The following NME7 variants were observed in gnomAD, a reference collection of about 807,000 sequenced individuals.
NME7 encodes NME/NM23 family member 7.
In NME7, 41 loss-of-function variants were observed where a neutral mutation model predicts 49.1. That is an observed-to-expected ratio of 0.83 (90% CI 0.65 to 1.08). The LOEUF (loss-of-function observed/expected upper bound fraction) is 1.08. Ranked by LOEUF, NME7 falls within the 50% of genes least tolerant of loss-of-function variation. The pLI is 0.00. For missense variants in NME7, 423 were observed against 463.4 expected, an observed-to-expected ratio of 0.91 and a Z score of 0.80; for synonymous variants, 139 against 150.6, an observed-to-expected ratio of 0.92 and a Z score of 0.56.
intron 10 of NME7, among the ~76,000 whole-genome samples, chr1:169,206,950 G>A (rs947362086): frequency 2.0e-5 from 3 of 152,090 alleles, no homozygotes; most frequent in South Asian, 2.1e-4. Context: ...AAATAAACAC[G>A]ATTCTTTTTT....
intron 1 of NME7, among the ~76,000 whole-genome samples, chr1:169,349,283 G>A (rs1158745015): frequency 2.6e-5 from 4 of 152,130 alleles, no homozygotes; most frequent in Non-Finnish European, 5.9e-5. Context: ...TTTAATGAAA[G>A]GATAGCTTGT....
intron 10 of NME7, among the ~76,000 whole-genome samples, chr1:169,226,559 C>G (rs1316515179): frequency 6.6e-6 from 1 of 152,128 alleles, no homozygotes; most frequent in Non-Finnish European, 1.5e-5. Flanking sequence ...CCATCAAAGG[C>G]ATACAGTCCT....
At chr1:169,179,699 G>A (rs565878076) in intron 10 of NME7, among the ~76,000 whole-genome samples, 26 of 152,166 alleles carry the variant, frequency 1.7e-4, no homozygotes, top group South Asian at 4.2e-4. Context: ...GCAAACTAAC[G>A]CAGGAATAGA....
At chr1:169,328,425 T>C (rs965001873) in intron 1 of NME7, among the ~76,000 whole-genome samples, 2 of 152,166 alleles carry the variant, frequency 1.3e-5, no homozygotes, top group African/African-American at 4.8e-5. Context: ...ACTTTAGAAC[T>C]GCATTGTACA....
Position 169,276,423 on chromosome 1 carries a change from T to C in NME7, c.754+10880A>G, listed in dbSNP as rs1489089004. On this transcript the variant is annotated intron_variant, in intron 7 of 11. Transcript: ENST00000367811. ...TTCCTCGTTTAGTCTTGGGAGAGTG[T>C]ATGTGTCGAGGAATTTATCCATTTC... Among the ~76,000 whole-genome samples the C allele has an allele frequency of 2.2e-5, 3 of 133,626 alleles. 1 individual carries two copies. Among genetic ancestry groups the C allele is most frequent in the South Asian group, 2.3e-4 (1 of 4,302 alleles). 87.7% of individuals were successfully genotyped at this position (133,626 alleles called of 152,430 possible).
intron 11 of NME7, among the ~76,000 whole-genome samples, chr1:169,157,926 TAAG>T (rs1216738036): frequency 6.6e-6 from 1 of 152,236 alleles, no homozygotes; most frequent in African/African-American, 2.4e-5. Context: ...TAAATTTGTT[TAAG>T]TTTTGTATAA....
At chr1:169,361,789 A>G (rs1239180569) in intron 1 of NME7, among the ~76,000 whole-genome samples, 4 of 152,028 alleles carry the variant, frequency 2.6e-5, no homozygotes, top group Non-Finnish European at 5.9e-5. Flanking sequence ...CTAAAAAAAA[A>G]AAAAGGCAGG....
intron 10 of NME7, among the ~76,000 whole-genome samples, chr1:169,207,185 G>A (rs1412793735): frequency 6.6e-6 from 1 of 152,086 alleles, no homozygotes; most frequent in Non-Finnish European, 1.5e-5. Context: ...CAGGGTAAGG[G>A]TGGAAGCAAG....
intron 11 of NME7, among the ~76,000 whole-genome samples, chr1:169,135,917 C>T (rs1319925488): frequency 6.6e-6 from 1 of 152,028 alleles, no homozygotes; most frequent in African/African-American, 2.4e-5. Context: ...AGAGAATGCC[C>T]ATATTGTAGT....
intron 4 of NME7, among the ~76,000 whole-genome samples, chr1:169,309,127 C>A (rs1204289806): frequency 6.6e-6 from 1 of 152,126 alleles, no homozygotes; most frequent in African/African-American, 2.4e-5. Context: ...TTAAATGAGG[C>A]ATGCATAATT....
intron 7 of NME7, among the ~76,000 whole-genome samples, chr1:169,248,933 G>GT (rs1333065258): frequency 6.7e-6 from 1 of 148,594 alleles, no homozygotes; most frequent in South Asian, 2.1e-4. Flanking sequence ...TTGTTTGTTT[G>GT]TTTTTTTGCA....
chr1:169,347,153 C>CCATA (rs1652979366), intron 1 of NME7, among the ~76,000 whole-genome samples: 1 of 152,240 alleles, frequency 6.6e-6, no homozygotes, highest in Non-Finnish European at 1.5e-5. Flanking sequence ...GGAGTTATGA[C>CCATA]CATACCCCTG....
intron 6 of NME7, among the ~76,000 whole-genome samples, chr1:169,294,477 T>G (rs1650629565): frequency 6.6e-6 from 1 of 152,162 alleles, no homozygotes; most frequent in Non-Finnish European, 1.5e-5. Context: ...AAAGATGGAA[T>G]GAAAAATTAG....
At chr1:169,173,127 G>T (rs1659651889) in intron 10 of NME7, among the ~76,000 whole-genome samples, 1 of 152,096 alleles carries the variant, frequency 6.6e-6, no homozygotes. Flanking sequence ...CTTAACAGTT[G>T]TGTGACCACA....
At chr1:169,156,906 C>T (rs182552431) in intron 11 of NME7, among the ~76,000 whole-genome samples, 3 of 152,238 alleles carry the variant, frequency 2.0e-5, no homozygotes, top group South Asian at 2.1e-4. Flanking sequence ...GATGTTTTTA[C>T]GATGAATGTA....
chr1:169,212,790 T>G (rs535715854), intron 10 of NME7, among the ~76,000 whole-genome samples: 1 of 152,068 alleles, frequency 6.6e-6, no homozygotes, highest in African/African-American at 2.4e-5. Context: ...TTTTTGTTTT[T>G]GTTTTCGTTT....
intron 10 of NME7, among the ~76,000 whole-genome samples, chr1:169,216,182 T>C (rs1280874635): frequency 6.6e-6 from 1 of 152,228 alleles, no homozygotes; most frequent in East Asian, 1.9e-4. Context: ...CCTTTTTGTA[T>C]GCTAATGAGT....
intron 11 of NME7, among the ~76,000 whole-genome samples, chr1:169,156,494 T>C (rs1659079401): frequency 6.6e-6 from 1 of 152,158 alleles, no homozygotes; most frequent in Admixed American, 6.5e-5. Flanking sequence ...ATATGGATTT[T>C]CCATAGTTAT....
intron 6 of NME7, among the ~76,000 whole-genome samples, chr1:169,289,954 A>C (rs1454970257): frequency 1.3e-5 from 2 of 152,002 alleles, no homozygotes; most frequent in African/African-American, 4.8e-5. Context: ...TGTTCTTCCA[A>C]AGATTCCTGC....
Sources: allele counts gnomAD v4.1 joint callset (sites outside exome capture counted in the v4.1 genomes callset), GRCh38; gene constraint gnomAD v4.1.1; transcripts MANE v1.5; gene names NCBI Gene and HGNC (gene_info 2026-07-23, HGNC 2026-07-21).